Variants in MYO18B observed in about 807,000 individuals in gnomAD.
MYO18B encodes unconventional myosin-XVIIIb.
MYO18B carries 204 observed loss-of-function variants against 273.0 expected under a neutral mutation model. The observed-to-expected ratio is 0.75, with a 90% CI of 0.67 to 0.84. MYO18B has a LOEUF of 0.84. Among genes scored for constraint, MYO18B ranks in the 40% least tolerant of loss-of-function variants. The pLI is 0.00. For synonymous variants in MYO18B, 1,330 were observed against 1,305.7 expected (o/e 1.02, Z -0.40); for missense variants, 3,212 against 3,287.6 (o/e 0.98, Z 0.56).
rs1006182107 is a variant in MYO18B, at chr22:25,802,763, A to AC, written c.2521+4666_2521+4667insC. 1.6e-4 allele frequency among the ~76,000 whole-genome samples: 14 copies of AC among 86,574 alleles called. 1 individual carries two copies. The highest frequency in any genetic ancestry group is 6.0e-4 in the Admixed American group (4 of 6,672). 56.8% of individuals were successfully genotyped at this position (86,574 alleles called of 152,430 possible). ...GCAAGACTCTGTCTCAAAAAAAAAA[A>AC]AAAAAAAAAAAAACCCCTATAGCCT... On this transcript the variant is annotated intron_variant, in intron 12 of 43. Coordinates refer to ENST00000335473, the MANE Select transcript of MYO18B (RefSeq NM_032608.7).
intron 2 of MYO18B, among the ~76,000 whole-genome samples, chr22:25,761,632 C>T (rs1345527985): frequency 7.9e-5 from 12 of 152,292 alleles, no homozygotes; most frequent in East Asian, 1.9e-4. Flanking sequence ...TGATACGCTA[C>T]GAAGGGCTGC....
chr22:26,012,289 C>G (rs1480178095), intron 42 of MYO18B, among the ~76,000 whole-genome samples: 1 of 152,072 alleles, frequency 6.6e-6, no homozygotes, highest in East Asian at 1.9e-4. Context: ...CAGCTCGTTC[C>G]CAAAGTGGGG....
intron 15 of MYO18B, among the ~76,000 whole-genome samples, chr22:25,831,922 TAAAC>T (rs545536620): frequency 1.0e-3 from 155 of 152,190 alleles, no homozygotes; most frequent in African/African-American, 3.6e-3. Context: ...AGGTGATGAA[TAAAC>T]AAACAACCCC....
chr22:25,773,621 G>A (rs901411279), intron 7 of MYO18B, among the ~76,000 whole-genome samples: 9 of 152,124 alleles, frequency 5.9e-5, no homozygotes, highest in African/African-American at 4.8e-5. Context: ...CCGCCACCAC[G>A]CCCAGCTAAT....
At chr22:25,939,519 C>T (rs1601627112) in intron 34 of MYO18B, among the ~76,000 whole-genome samples, 1 of 152,118 alleles carries the variant, frequency 6.6e-6, no homozygotes, top group Non-Finnish European at 1.5e-5. Context: ...TCAACCATGT[C>T]GTTATTACAG....
chr22:25,836,964 A>T (rs1215478004), intron 17 of MYO18B, among the ~76,000 whole-genome samples: 1 of 142,158 alleles, frequency 7.0e-6, no homozygotes, highest in Non-Finnish European at 1.5e-5. Flanking sequence ...TTCCATCTCA[A>T]AATAATAATA....
At position 25,960,953 on chromosome 22, in the gene MYO18B, A is replaced by AG. The variant is rs755548159; in HGVS notation, c.6156+5590dup. ...CACTTCAGGCCTGGAGTTCAAGACC[A>AG]GCCTCGGCAACATAGCAAGACCCCA... On this transcript the variant is annotated intron_variant, in intron 39 of 43. Transcript: ENST00000335473. 1.1e-3 allele frequency among the ~76,000 whole-genome samples: 168 copies of AG among 152,228 alleles called. 1 individual carries two copies. The highest frequency in any genetic ancestry group is 2.7e-3 in the Admixed American group (42 of 15,286).
chr22:25,974,195 T>C (rs1020109423), intron 39 of MYO18B, among the ~76,000 whole-genome samples: 2 of 152,176 alleles, frequency 1.3e-5, no homozygotes, highest in African/African-American at 2.4e-5. Context: ...ACTCAACAAT[T>C]AGACCCGCCA....
chr22:26,063,516 A>AG, the MYO18B span, among the ~76,000 whole-genome samples: 1 of 152,196 alleles, frequency 6.6e-6, no homozygotes, highest in Admixed American at 6.5e-5. Context: ...AGGTAGCCAG[A>AG]GGGGGCAGTC....
intron 12 of MYO18B, among the ~76,000 whole-genome samples, chr22:25,798,923 C>T (rs2088052963): frequency 6.6e-6 from 1 of 152,044 alleles, no homozygotes; most frequent in Non-Finnish European, 1.5e-5. Flanking sequence ...TGCCCTGAAA[C>T]TGATCTTGTA....
chr22:25,985,555 C>T (rs1471749300), intron 39 of MYO18B, among the ~76,000 whole-genome samples: 1 of 152,164 alleles, frequency 6.6e-6, no homozygotes, highest in African/African-American at 2.4e-5. Flanking sequence ...GAGCTTAACA[C>T]CACCTGCTGA....
intron 27 of MYO18B, 64 bp from the exon 28 acceptor site, chr22:25,895,092 A>T (rs2091765370): frequency 9.6e-6 from 15 of 1,563,214 alleles, no homozygotes; most frequent in Non-Finnish European, 1.3e-5. Flanking sequence ...GAGGAGAGCC[A>T]CTCACACTCT....
intron 28 of MYO18B, 87 bp from the exon 29 acceptor site, chr22:25,898,220 C>T (rs1469319518): frequency 1.4e-6 from 2 of 1,466,386 alleles, no homozygotes; most frequent in Non-Finnish European, 1.8e-6. Flanking sequence ...CATTACACAC[C>T]TTGGAAATAG....
chr22:25,835,291 A>G lies in MYO18B; in HGVS notation c.3061-5A>G, dbSNP rs1187172737. 6.2e-7 allele frequency: 1 copy of G among 1,613,004 alleles called. No homozygotes were observed. Among genetic ancestry groups the G allele is most frequent in the African/African-American group, 1.3e-5 (1 of 74,924 alleles). ...CCCTTCAGTGAATCCTGGTTCTCCC[A>G]GCAGGTCCGCTTACCAGCTGGAGGA... On this transcript the variant is annotated splice_region_variant and splice_polypyrimidine_tract_variant and intron_variant, in intron 16 of 43. Coordinates refer to ENST00000335473, the MANE Select transcript of MYO18B (RefSeq NM_032608.7).
At position 25,952,369 on chromosome 22, in the gene MYO18B, C is replaced by T. The variant is rs138691912; in HGVS notation, c.5916C>T (p.Ile1972=). 3.0e-4 allele frequency: 491 copies of T among 1,612,900 alleles called. 2 individuals are homozygous for T. The African/African-American group carries it at 6.1e-3, about 20-fold the overall frequency. Residue 1972 remains isoleucine, a synonymous_variant, in exon 38 of 44, where the codon ATC becomes ATT. Coordinates refer to ENST00000335473, the MANE Select transcript of MYO18B (RefSeq NM_032608.7). ...TCGTCAGCAGGCAGGAGGCGGTCATCTGTGACCTAGAGAACAAGACAGAGT... is the reference window on the plus strand; with the variant it reads ...TCGTCAGCAGGCAGGAGGCGGTCATTTGTGACCTAGAGAACAAGACAGAGT... ...RAIVSRQEAV[I]CDLENKTEFQ...
At chr22:25,763,204 C>A (rs553136274) in intron 2 of MYO18B, 27 bp from the exon 3 acceptor site, 1 of 1,609,512 alleles carries the variant, frequency 6.2e-7, no homozygotes, top group East Asian at 2.2e-5. Context: ...TCACTGAGCT[C>A]TCTCTTTCCT....
intron 1 of MYO18B, among the ~76,000 whole-genome samples, chr22:25,744,469 C>T (rs559932169): frequency 3.3e-5 from 5 of 152,310 alleles, no homozygotes; most frequent in Admixed American, 2.0e-4. Context: ...CGGGGGCTCA[C>T]GCCTTTAATC....
chr22:25,846,374 A>C, intron 19 of MYO18B, 91 bp downstream of exon 19: 1 of 1,418,766 alleles, frequency 7.0e-7, no homozygotes, highest in Non-Finnish European at 9.6e-7. Flanking sequence ...CATCATCTCT[A>C]ACCTCCCCAG....
chr22:26,034,930 A>G (rs1419215940), downstream of MYO18B, among the ~76,000 whole-genome samples: 1 of 152,228 alleles, frequency 6.6e-6, no homozygotes, highest in Non-Finnish European at 1.5e-5. Context: ...CACTGTAGAA[A>G]AAGCTAAGAA....
Sources: gnomAD v4.1 joint callset for allele counts (sites outside exome capture counted in the v4.1 genomes callset) on GRCh38, gnomAD v4.1.1 for gene constraint, MANE v1.5 for transcripts, NCBI Gene and HGNC (gene_info 2026-07-23, HGNC 2026-07-21) for gene names.